Variants in SUCLG2 observed in about 807,000 individuals in gnomAD.
SUCLG2 encodes the protein succinate-CoA ligase GDP-forming subunit beta, also known as succinate--CoA ligase [GDP-forming] subunit beta, mitochondrial.
SUCLG2 carries 42 observed loss-of-function variants against 47.9 expected under a neutral mutation model. The observed-to-expected ratio is 0.88, with a 90% CI of 0.69 to 1.14. SUCLG2 has a LOEUF of 1.14. SUCLG2 is among the 50% of genes most tolerant of loss of function. The pLI is 0.00. For synonymous variants in SUCLG2, 195 were observed against 197.3 expected (o/e 0.99, Z 0.10); for missense variants, 571 against 525.9 (o/e 1.09, Z -0.84).
At chr3:67,467,073 T>C (rs1704491775) in intron 9 of SUCLG2, among the ~76,000 whole-genome samples, 1 of 152,216 alleles carries the variant, frequency 6.6e-6, no homozygotes, top group African/African-American at 2.4e-5. Context: ...ACTTCCACTA[T>C]GATATGAATA....
chr3:67,487,005 A>G (rs1187884762), intron 9 of SUCLG2, among the ~76,000 whole-genome samples: 1 of 152,208 alleles, frequency 6.6e-6, no homozygotes, highest in Non-Finnish European at 1.5e-5. Context: ...ACAAGCAAAT[A>G]ATGATCAACT....
chr3:67,562,693 T>A (rs555396733), intron 2 of SUCLG2, among the ~76,000 whole-genome samples: 69 of 152,342 alleles, frequency 4.5e-4, no homozygotes, highest in Non-Finnish European at 9.3e-4. Flanking sequence ...AACACTAATT[T>A]CCTTGTCTGT....
At position 67,529,052 on chromosome 3, in the gene SUCLG2, G is replaced by A. The variant is rs368075109; in HGVS notation, c.326+35C>T. 868 of 1,559,202 alleles carry A rather than the reference G, an allele frequency of 5.6e-4. 1 individual carries two copies. In the Middle Eastern group the frequency reaches 5.8e-3, roughly 10 times the overall value. Reference sequence around the variant, plus strand: ...GAGCAAGATCTTCCATAACTGCTTGGCCAAAAGACAAGGAATAACAACCTC... The same window carrying A: ...GAGCAAGATCTTCCATAACTGCTTGACCAAAAGACAAGGAATAACAACCTC... On this transcript the variant is annotated intron_variant, in intron 3 of 10. Transcript: ENST00000307227.
intron 9 of SUCLG2, among the ~76,000 whole-genome samples, chr3:67,438,229 A>C (rs1703671239): frequency 1.3e-5 from 2 of 152,136 alleles, no homozygotes; most frequent in East Asian, 3.9e-4. Flanking sequence ...ACAGCTAAGG[A>C]AGTGTTTAGA....
intron 2 of SUCLG2, among the ~76,000 whole-genome samples, chr3:67,552,172 C>CAAAAAA (rs55687048): frequency 8.0e-5 from 6 of 75,424 alleles, no homozygotes; most frequent in Admixed American, 1.5e-4. Flanking sequence ...AACTCCATCT[C>CAAAAAA]AAAAAAAAAA....
chr3:67,430,884 C>A (rs1703461676), intron 9 of SUCLG2, among the ~76,000 whole-genome samples: 1 of 152,132 alleles, frequency 6.6e-6, no homozygotes, highest in African/African-American at 2.4e-5. Context: ...CACATACACC[C>A]TCCCAAGACT....
intron 9 of SUCLG2, among the ~76,000 whole-genome samples, chr3:67,489,233 G>A (rs529518790): frequency 4.3e-4 from 66 of 152,204 alleles, no homozygotes; most frequent in African/African-American, 1.5e-3. Context: ...GATATTCTTG[G>A]AAATTTTAAT....
downstream of SUCLG2, among the ~76,000 whole-genome samples, chr3:67,370,241 A>C (rs1701935284): frequency 6.6e-6 from 1 of 152,202 alleles, no homozygotes; most frequent in Non-Finnish European, 1.5e-5. Context: ...TCTTGGAAGA[A>C]ATTATTTAAA....
intron 7 of SUCLG2, among the ~76,000 whole-genome samples, chr3:67,499,585 TACATACAATCAGGGAGAG>T (rs1484652677): frequency 1.3e-5 from 2 of 152,136 alleles, no homozygotes; most frequent in East Asian, 3.9e-4. Context: ...AGATCTCCTA[TACATACAATCAGGGAGAG>T]ACTGCAGTGG....
intron 9 of SUCLG2, among the ~76,000 whole-genome samples, chr3:67,478,138 T>C (rs1196830897): frequency 1.3e-5 from 2 of 152,182 alleles, no homozygotes; most frequent in Non-Finnish European, 2.9e-5. Flanking sequence ...TCTTATCAGC[T>C]AGCTCAACAA....
At chr3:67,611,724 A>G (rs1191260054) in intron 1 of SUCLG2, among the ~76,000 whole-genome samples, 2 of 152,204 alleles carry the variant, frequency 1.3e-5, no homozygotes, top group African/African-American at 4.8e-5. Context: ...GGTTGTGGTC[A>G]ATTCCTTTTC....
chr3:67,560,287 ACT>A (rs1707275405), intron 2 of SUCLG2, among the ~76,000 whole-genome samples: 1 of 151,984 alleles, frequency 6.6e-6, no homozygotes, highest in Admixed American at 6.6e-5. Context: ...AATTTGGGAG[ACT>A]CTGCTTCACA....
rs778118641 is a variant in SUCLG2, at chr3:67,377,922, G to A, written c.1184-2063C>T. Among the ~76,000 whole-genome samples, 100 of 152,132 alleles carry A rather than the reference G, an allele frequency of 6.6e-4. 1 individual carries two copies. The highest frequency in any genetic ancestry group is 1.5e-4 in the Non-Finnish European group (10 of 68,014). ...ATCTGCCGTGGCCTCCCAAAATGCT[G>A]GGATTACAGGCATGAGCCCTTGCAC... On this transcript the variant is annotated intron_variant, in intron 10 of 10. Transcript: ENST00000307227.
intron 10 of SUCLG2, among the ~76,000 whole-genome samples, chr3:67,377,380 T>C: frequency 6.6e-6 from 1 of 152,252 alleles, no homozygotes; most frequent in East Asian, 1.9e-4. Context: ...GCAGTATCTG[T>C]GGCAGGCCTG....
At position 67,613,749 on chromosome 3, in the gene SUCLG2, G is replaced by A. The variant is rs114049855; in HGVS notation, c.85-4153C>T. 5.1e-3 allele frequency among the ~76,000 whole-genome samples: 771 copies of A among 152,232 alleles called. 6 individuals are homozygous for A. Among genetic ancestry groups the A allele is most frequent in the African/African-American group, 0.017 (727 of 41,544 alleles). On this transcript the variant is annotated intron_variant, in intron 1 of 10. Transcript: ENST00000307227. ...AAAGCCATGTTACAAATTAGGAAAC[G>A]GGCTGAACTTGCCCAAGATCACAAG...
chr3:67,574,434 C>T (rs558446634), intron 2 of SUCLG2, among the ~76,000 whole-genome samples: 10 of 152,178 alleles, frequency 6.6e-5, no homozygotes, highest in Non-Finnish European at 1.3e-4. Flanking sequence ...CATTTATAGT[C>T]AATTGATTTT....
At chr3:67,521,910 C>T (rs776756307) in intron 4 of SUCLG2, among the ~76,000 whole-genome samples, 3 of 152,042 alleles carry the variant, frequency 2.0e-5, no homozygotes, top group South Asian at 4.1e-4. Flanking sequence ...TAAGCCACCA[C>T]GCCTGGCCTC....
intron 5 of SUCLG2, among the ~76,000 whole-genome samples, chr3:67,518,926 T>A (rs1345681531): frequency 6.6e-6 from 1 of 152,200 alleles, no homozygotes; most frequent in African/African-American, 2.4e-5. Context: ...GCATATAAAG[T>A]CTCAATTCAG....
chr3:67,594,889 C>G (rs1317874316), intron 2 of SUCLG2, among the ~76,000 whole-genome samples: 1 of 152,116 alleles, frequency 6.6e-6, no homozygotes, highest in African/African-American at 2.4e-5. Flanking sequence ...CTGGACATAA[C>G]TTTTTTAAAA....
Sources: allele counts gnomAD v4.1 joint callset (sites outside exome capture counted in the v4.1 genomes callset), GRCh38; gene constraint gnomAD v4.1.1; transcripts MANE v1.5; gene names NCBI Gene and HGNC (gene_info 2026-07-23, HGNC 2026-07-21).